The following CAV1 variants were observed in gnomAD, a reference collection of about 807,000 sequenced individuals.
CAV1 encodes caveolin-1.
A neutral mutation model predicts 16.5 loss-of-function variants in CAV1; 10 were observed. That is an observed-to-expected ratio of 0.61 (90% confidence interval 0.37 to 1.03). CAV1 has a LOEUF of 1.03. CAV1 is among the 50% of genes least tolerant of loss of function. The pLI is 0.01. For missense variants in CAV1, 212 were observed against 232.8 expected (o/e 0.91, Z 0.58); for synonymous variants, 76 against 85.1 (o/e 0.89, Z 0.59).
At chr7:116,543,648 T>G (rs1562833532) in intron 2 of CAV1, among the ~76,000 whole-genome samples, 1 of 152,206 alleles carries the variant, frequency 6.6e-6, no homozygotes, top group Non-Finnish European at 1.5e-5. Flanking sequence ...GTTTTGTTTT[T>G]GCAACCAGCC....
At chr7:116,544,303 A>G (rs544057765) in intron 2 of CAV1, among the ~76,000 whole-genome samples, 42 of 152,342 alleles carry the variant, frequency 2.8e-4, no homozygotes, top group African/African-American at 9.4e-4. Flanking sequence ...GGGAGATTTT[A>G]TCAGGTTAGT....
chr7:116,543,475 T>C (rs1220407300), intron 2 of CAV1, among the ~76,000 whole-genome samples: 1 of 152,212 alleles, frequency 6.6e-6, no homozygotes, highest in Non-Finnish European at 1.5e-5. Flanking sequence ...GAGTTGGAGT[T>C]CATTTCCCAT....
chr7:116,526,429 G>C, intron 1 of CAV1, 96 bp from the exon 2 acceptor site: 1 of 1,592,214 alleles, frequency 6.3e-7, no homozygotes. Context: ...CCGCCGCCAG[G>C]CTGACTTCTC....
At chr7:116,547,025 A>G (rs896518197) in intron 2 of CAV1, among the ~76,000 whole-genome samples, 4 of 152,164 alleles carry the variant, frequency 2.6e-5, no homozygotes, top group African/African-American at 9.7e-5. Flanking sequence ...GCAGCTACAT[A>G]ACTCCACTCT....
intron 2 of CAV1, 49 bp from the exon 3 acceptor site, chr7:116,558,897 T>C (rs1794345059): frequency 5.0e-6 from 7 of 1,406,144 alleles, no homozygotes; most frequent in Non-Finnish European, 7.0e-6. Flanking sequence ...GGGTTTTTTT[T>C]CTCTTTTCTT....
At chr7:116,550,734 G>A (rs113084148) in intron 2 of CAV1, among the ~76,000 whole-genome samples, 9 of 152,258 alleles carry the variant, frequency 5.9e-5, no homozygotes, top group East Asian at 1.9e-4. Context: ...GGTTTGACAC[G>A]TACATTAGGA....
At chr7:116,525,221 G>T (rs762911095) in intron 1 of CAV1, 129 bp downstream of exon 1, 8 of 1,612,462 alleles carry the variant, frequency 5.0e-6, no homozygotes, top group South Asian at 1.1e-5. Flanking sequence ...CTCCTCTGGC[G>T]TTGGCACCGC....
intron 2 of CAV1, among the ~76,000 whole-genome samples, chr7:116,533,826 A>C (rs1367062122): frequency 6.6e-6 from 1 of 152,224 alleles, no homozygotes; most frequent in African/African-American, 2.4e-5. Flanking sequence ...ACAAGGCAAA[A>C]TAGGAATATA....
intron 2 of CAV1, among the ~76,000 whole-genome samples, chr7:116,553,894 G>A (rs1298645802): frequency 2.0e-5 from 3 of 152,188 alleles, no homozygotes; most frequent in African/African-American, 2.4e-5. Flanking sequence ...TTGATAGCCT[G>A]AGGATGTTTA....
chr7:116,530,141 T>A (rs926200), intron 2 of CAV1, among the ~76,000 whole-genome samples: 79,934 of 150,572 alleles, frequency 0.53, 23,616 homozygotes, highest in East Asian at 0.94. Context: ...AAAGTGTTTT[T>A]AAAAAATACA....
Position 116,560,705 on chromosome 7 carries a change from T to G in CAV1, c.*1418T>G, listed in dbSNP as rs1013557873. The G allele has an allele frequency of 1.3e-5, 2 of 152,638 alleles. No homozygotes were observed. Among genetic ancestry groups the G allele is most frequent in the Admixed American group, 6.5e-5 (1 of 15,280 alleles). The allele number at this position is 152,638 out of a possible 1,614,324, so 9.5% of individuals were successfully genotyped here. ...AGCTTTTTATTCCTCCTGCTCATATTGTGATTCTGCCTTTGGGGACTTTTC... is the reference window on the plus strand; with the variant it reads ...AGCTTTTTATTCCTCCTGCTCATATGGTGATTCTGCCTTTGGGGACTTTTC... On this transcript the variant is annotated 3_prime_UTR_variant, in exon 3 of 3. Coordinates refer to ENST00000341049, the MANE Select transcript of CAV1 (RefSeq NM_001753.5).
At position 116,559,391 on chromosome 7, in the gene CAV1, G is replaced by A; in HGVS notation, c.*104G>A. On this transcript the variant is annotated 3_prime_UTR_variant, in exon 3 of 3. Transcript: ENST00000341049. Reference sequence around the variant, plus strand: ...CTAATACAGCAACAATTTATGAATTGAATTATCTTGGTTGAAAATAAAAAG... The same window carrying A: ...CTAATACAGCAACAATTTATGAATTAAATTATCTTGGTTGAAAATAAAAAG... The A allele has an allele frequency of 2.6e-6, 2 of 760,054 alleles. No individual in the cohort carries two copies. Among genetic ancestry groups the A allele is most frequent in the East Asian group, 2.7e-5 (1 of 37,630 alleles). The allele number at this position is 760,054 out of a possible 1,614,324, so 47.1% of individuals were successfully genotyped here.
chr7:116,555,873 A>G (rs145022947), intron 2 of CAV1, among the ~76,000 whole-genome samples: 1 of 152,280 alleles, frequency 6.6e-6, no homozygotes, highest in African/African-American at 2.4e-5. Context: ...TTCTGCCTCT[A>G]TTGTTTCTTT....
At chr7:116,555,074 A>G (rs1334263849) in intron 2 of CAV1, among the ~76,000 whole-genome samples, 1 of 152,148 alleles carries the variant, frequency 6.6e-6, no homozygotes, top group South Asian at 2.1e-4. Flanking sequence ...CTTTTGAGCC[A>G]CTGGTGGGGT....
intron 1 of CAV1, chr7:116,525,359 G>T (rs1793535139): frequency 6.5e-7 from 1 of 1,539,406 alleles, no homozygotes; most frequent in Non-Finnish European, 8.8e-7. Flanking sequence ...TCCTGAGATT[G>T]GGTCTGTTGG....
At chr7:116,529,248 T>G (rs548343307) in intron 2 of CAV1, among the ~76,000 whole-genome samples, 1 of 152,272 alleles carries the variant, frequency 6.6e-6, no homozygotes, top group East Asian at 1.9e-4. Context: ...AAAGAACCAG[T>G]GGCCAATGGA....
At chr7:116,555,590 A>AGGGAGGG (rs1562838622) in intron 2 of CAV1, among the ~76,000 whole-genome samples, 1 of 99,104 alleles carries the variant, frequency 1.0e-5, no homozygotes, top group African/African-American at 4.1e-5. Flanking sequence ...GAAAGAAAGA[A>AGGGAGGG]AGAAAGAAAG....
chr7:116,559,591 G>A lies in CAV1; in HGVS notation c.*304G>A, dbSNP rs558410705. ...AACATATTGTTGAAAGGTAATTTGA[G>A]AGAAATATGAAGAACTGAGGAGGAA... On this transcript the variant is annotated 3_prime_UTR_variant, in exon 3 of 3. Transcript: ENST00000341049. 182 of 450,180 alleles carry A rather than the reference G, an allele frequency of 4.0e-4. No homozygotes were observed. Among genetic ancestry groups the A allele is most frequent in the African/African-American group, 2.2e-3 (106 of 48,092 alleles). The allele number at this position is 450,180 out of a possible 1,614,324, so 27.9% of individuals were successfully genotyped here. A position where few individuals can be genotyped will look rare whatever the true frequency, so the allele number is the denominator to read the frequency against.
chr7:116,542,216 G>A (rs1046205319), intron 2 of CAV1, among the ~76,000 whole-genome samples: 1 of 152,228 alleles, frequency 6.6e-6, no homozygotes, highest in Non-Finnish European at 1.5e-5. Context: ...TTTGCAGCTT[G>A]TATAAACCCC....
Sources: gnomAD v4.1 joint callset for allele counts (sites outside exome capture counted in the v4.1 genomes callset) on GRCh38, gnomAD v4.1.1 for gene constraint, MANE v1.5 for transcripts, NCBI Gene and HGNC (gene_info 2026-07-23, HGNC 2026-07-21) for gene names.